The following SMAD3 variants were observed in gnomAD, a reference collection of about 807,000 sequenced individuals.
The protein encoded by SMAD3 is MAD homolog 3.
Under a neutral mutation model 51.8 loss-of-function variants are expected in SMAD3, and 12 were observed. That is an observed-to-expected ratio of 0.23 (90% CI 0.15 to 0.38). The LOEUF (loss-of-function observed/expected upper bound fraction) is 0.38, where lower values mean the gene tolerates loss of function less well. SMAD3 is among the 10% of genes least tolerant of loss of function. SMAD3 has a pLI of 1.00. For missense variants in SMAD3, 294 were observed against 565.6 expected, an observed-to-expected ratio of 0.52 and a Z score of 4.87; for synonymous variants, 238 against 227.7, an observed-to-expected ratio of 1.05 and a Z score of -0.41.
At chr15:67,123,427 A>G (rs1411702833) in intron 1 of SMAD3, among the ~76,000 whole-genome samples, 2 of 152,194 alleles carry the variant, frequency 1.3e-5, no homozygotes, top group Non-Finnish European at 2.9e-5. Context: ...TGAACCCAGG[A>G]GGAGGAGTTT....
chr15:67,091,511 T>G (rs141005021), intron 1 of SMAD3, among the ~76,000 whole-genome samples: 151 of 152,308 alleles, frequency 9.9e-4, no homozygotes, highest in Non-Finnish European at 1.7e-3. Context: ...GTGGCCATGG[T>G]TTCTCCAAAA....
rs1423091058 is a variant in SMAD3 at position 67,192,014 on chromosome 15, G to T, written c.*1478G>T. The T allele has an allele frequency of 8.7e-6, 2 of 231,016 alleles. No homozygotes were observed. Among genetic ancestry groups the T allele is most frequent in the Non-Finnish European group, 1.7e-5 (2 of 116,474 alleles). 14.3% of individuals were successfully genotyped at this position (231,016 alleles called of 1,614,324 possible). ...TAGACAGAACTGCCACCTTCAATTG[G>T]TACTTTATTCTTTGCTGCTGTTTTT... On this transcript the variant is annotated 3_prime_UTR_variant, in exon 9 of 9. Coordinates refer to ENST00000327367, the MANE Select transcript of SMAD3 (RefSeq NM_005902.4).
At chr15:67,152,902 A>G (rs1962183833) in intron 1 of SMAD3, among the ~76,000 whole-genome samples, 1 of 152,102 alleles carries the variant, frequency 6.6e-6, no homozygotes, top group Admixed American at 6.5e-5. Context: ...CTCCTTCAAT[A>G]TTTAACCGTC....
intron 1 of SMAD3, among the ~76,000 whole-genome samples, chr15:67,080,447 C>T (rs979475391): frequency 6.6e-6 from 1 of 152,264 alleles, no homozygotes; most frequent in Admixed American, 6.5e-5. Context: ...AGGGCATTCA[C>T]GTGGCTCTAC....
chr15:67,150,819 T>A (rs894699145), intron 1 of SMAD3, among the ~76,000 whole-genome samples: 1 of 100,870 alleles, frequency 9.9e-6, no homozygotes, highest in African/African-American at 3.5e-5. Flanking sequence ...TTTTTTTTTT[T>A]ATTAAGAGAG....
chr15:67,185,008 C>T, intron 7 of SMAD3, 144 bp downstream of exon 7: 1 of 1,083,746 alleles, frequency 9.2e-7, no homozygotes, highest in Non-Finnish European at 1.4e-6. Flanking sequence ...TAGGTTTTCT[C>T]TATGCCCACA....
At chr15:67,130,599 C>T (rs1031680835) in intron 1 of SMAD3, among the ~76,000 whole-genome samples, 1 of 152,172 alleles carries the variant, frequency 6.6e-6, no homozygotes, top group African/African-American at 2.4e-5. Context: ...CCCCCCCAAC[C>T]CTCATCTCTG....
chr15:67,098,330 G>C (rs1960661056), intron 1 of SMAD3, among the ~76,000 whole-genome samples: 1 of 77,652 alleles, frequency 1.3e-5, no homozygotes, highest in South Asian at 5.3e-4. Context: ...GAAGGAGGGA[G>C]GGAGGGAGGG....
chr15:67,091,296 A>G (rs992045082), intron 1 of SMAD3, among the ~76,000 whole-genome samples: 4 of 152,252 alleles, frequency 2.6e-5, no homozygotes, highest in Admixed American at 2.6e-4. Flanking sequence ...CTTCCAGGCC[A>G]GAGCCTGACA....
intron 1 of SMAD3, among the ~76,000 whole-genome samples, chr15:67,121,018 C>A (rs986243625): frequency 6.6e-6 from 1 of 152,188 alleles, no homozygotes; most frequent in African/African-American, 2.4e-5. Context: ...ACCTTGAATC[C>A]CCATCTCATA....
At chr15:67,140,243 T>C (rs1274247378) in intron 1 of SMAD3, among the ~76,000 whole-genome samples, 13 of 152,150 alleles carry the variant, frequency 8.5e-5, no homozygotes, top group Admixed American at 8.5e-4. Context: ...GATTGATGAG[T>C]GTCTTGTCTC....
At chr15:67,093,437 G>T (rs1960550405) in intron 1 of SMAD3, among the ~76,000 whole-genome samples, 1 of 152,200 alleles carries the variant, frequency 6.6e-6, no homozygotes, top group Non-Finnish European at 1.5e-5. Flanking sequence ...TGCCAGTGGA[G>T]GTAGGAAGGG....
At chr15:67,110,786 C>T (rs1036363864) in intron 1 of SMAD3, among the ~76,000 whole-genome samples, 4 of 152,168 alleles carry the variant, frequency 2.6e-5, no homozygotes, top group Non-Finnish European at 5.9e-5. Context: ...TAAAGAAATT[C>T]TTCCTTTTGG....
intron 1 of SMAD3, among the ~76,000 whole-genome samples, chr15:67,107,679 C>T (rs866171613): frequency 6.6e-6 from 1 of 152,246 alleles, no homozygotes; most frequent in South Asian, 2.1e-4. Context: ...CCCTCTGTCC[C>T]TCCACTTCCC....
intron 1 of SMAD3, among the ~76,000 whole-genome samples, chr15:67,164,485 A>C (rs113139162): frequency 6.6e-6 from 1 of 151,850 alleles, no homozygotes; most frequent in African/African-American, 2.4e-5. Context: ...TGCCTAAAGA[A>C]CTCTCATTGT....
At chr15:67,137,833 C>G (rs1961704595) in intron 1 of SMAD3, among the ~76,000 whole-genome samples, 1 of 152,164 alleles carries the variant, frequency 6.6e-6, no homozygotes, top group Non-Finnish European at 1.5e-5. Flanking sequence ...TTGGTGCTTT[C>G]TTGAAGAGTT....
At chr15:67,180,227 G>A (rs559200106) in intron 5 of SMAD3, among the ~76,000 whole-genome samples, 29 of 152,198 alleles carry the variant, frequency 1.9e-4, no homozygotes, top group African/African-American at 6.3e-4. Context: ...CGGTGTGAGT[G>A]GGAATTCCGA....
chr15:67,069,157 G>A (rs1419378017), intron 1 of SMAD3, among the ~76,000 whole-genome samples: 2 of 152,194 alleles, frequency 1.3e-5, no homozygotes, highest in African/African-American at 4.8e-5. Flanking sequence ...TTGCTTCTCT[G>A]TGACACCAGC....
At chr15:67,164,039 C>T (rs149258010) in intron 1 of SMAD3, among the ~76,000 whole-genome samples, 11 of 151,548 alleles carry the variant, frequency 7.3e-5, no homozygotes, top group Non-Finnish European at 1.5e-4. Flanking sequence ...GGGCCAGGCA[C>T]GGTGGTTCAC....
Sources: gnomAD v4.1 joint callset for allele counts (sites outside exome capture counted in the v4.1 genomes callset) on GRCh38, gnomAD v4.1.1 for gene constraint, MANE v1.5 for transcripts, NCBI Gene and HGNC (gene_info 2026-07-23, HGNC 2026-07-21) for gene names.